PACRGL: variants seen among roughly 807,000 people sequenced by gnomAD.
PACRGL encodes PACRG-like protein.
In PACRGL, 38 loss-of-function variants were observed where a neutral mutation model predicts 34.5. That is an observed-to-expected ratio of 1.10 (90% CI 0.85 to 1.44). The LOEUF is 1.44. Among genes scored for constraint, PACRGL ranks in the 40% most tolerant of loss-of-function variants. PACRGL has a pLI of 0.00. For synonymous variants in PACRGL, 128 were observed against 100.1 expected (o/e 1.28, Z -1.66); for missense variants, 305 against 281.4 (o/e 1.08, Z -0.60).
upstream of PACRGL, among the ~76,000 whole-genome samples, chr4:20,697,870 G>A (rs1018753888): frequency 6.6e-6 from 1 of 152,052 alleles, no homozygotes; most frequent in Non-Finnish European, 1.5e-5. Context: ...TTCCATTCAC[G>A]AGTGTTCCAA....
chr4:20,740,969 CAAAG>C (rs937422048), intron 8 of PACRGL, among the ~76,000 whole-genome samples: 109 of 152,212 alleles, frequency 7.2e-4, no homozygotes, highest in African/African-American at 1.8e-3. Flanking sequence ...TCAAAACAGA[CAAAG>C]AAGGCTATTA....
chr4:20,709,882 A>T, intron 5 of PACRGL, 109 bp downstream of exon 5: 1 of 840,762 alleles, frequency 1.2e-6, no homozygotes, highest in South Asian at 1.5e-5. Flanking sequence ...TTGAAAAACG[A>T]AGCACACAAT....
intron 1 of PACRGL, chr4:20,701,901 T>G (rs904122431): frequency 4.4e-6 from 2 of 456,088 alleles, no homozygotes; most frequent in African/African-American, 4.0e-5. Flanking sequence ...GATAAAAATT[T>G]TAAGTGAAAA....
intron 8 of PACRGL, among the ~76,000 whole-genome samples, chr4:20,752,104 G>T (rs1357843778): frequency 1.4e-5 from 2 of 144,092 alleles, no homozygotes; most frequent in East Asian, 2.0e-4. Flanking sequence ...TGTCCCCCAG[G>T]CTGGAGTGCA....
chr4:20,727,269 T>G lies in PACRGL; in HGVS notation c.691-16T>G, dbSNP rs771131790. On this transcript the variant is annotated splice_polypyrimidine_tract_variant and intron_variant, in intron 8 of 8. Coordinates refer to ENST00000503585, the MANE Select transcript of PACRGL (RefSeq NM_001258345.3). The stretch of plus-strand genomic sequence containing the variant: ...CTGCATGATACTAATGATGCTCAAT[T>G]TTTTTCTGTTGACAGGGGAGCCTTA... 8.7e-6 allele frequency: 14 copies of G among 1,600,586 alleles called. No individual in the cohort carries two copies. In the South Asian group the frequency reaches 1.2e-4, roughly 14 times the overall value.
At chr4:20,723,925 C>G (rs2052775) in intron 7 of PACRGL, among the ~76,000 whole-genome samples, 49,336 of 151,960 alleles carry the variant, frequency 0.32, 8,477 homozygotes, top group African/African-American at 0.43. Flanking sequence ...GAGGTGCTAT[C>G]GGATCCCCTT....
chr4:20,722,084 A>G (rs919421651), intron 7 of PACRGL, among the ~76,000 whole-genome samples: 1 of 152,204 alleles, frequency 6.6e-6, no homozygotes, highest in Non-Finnish European at 1.5e-5. Context: ...CTGCTGTGCT[A>G]GCAATGAGCG....
intron 7 of PACRGL, among the ~76,000 whole-genome samples, chr4:20,722,052 C>T (rs564443280): frequency 2.8e-4 from 43 of 152,362 alleles, no homozygotes; most frequent in East Asian, 1.5e-3. Flanking sequence ...GCCTTGCTGC[C>T]GCCTTGCAGT....
At position 20,731,664 on chromosome 4, in the gene PACRGL, A is replaced by G; in HGVS notation, c.*4323A>G. The G allele has an allele frequency of 1.0e-6, 1 of 985,100 alleles. No homozygotes were observed. Among genetic ancestry groups the G allele is most frequent in the Non-Finnish European group, 1.2e-6 (1 of 829,640 alleles). 61.0% of individuals were successfully genotyped at this position (985,100 alleles called of 1,614,324 possible). A position where few individuals can be genotyped will look rare whatever the true frequency, so the allele number is the denominator to read the frequency against. On this transcript the variant is annotated 3_prime_UTR_variant, in exon 9 of 9. Coordinates refer to ENST00000503585, the MANE Select transcript of PACRGL (RefSeq NM_001258345.3). ...CTAATGCTGTGGAGATATGATAGAT[A>G]ATATATGAGTGATGCTAAGTTTTGG...
chr4:20,745,159 G>T (rs143194412), intron 8 of PACRGL, among the ~76,000 whole-genome samples: 165 of 152,248 alleles, frequency 1.1e-3, no homozygotes, highest in African/African-American at 3.6e-3. Context: ...CCACCCTTAG[G>T]TTGTAGCCAG....
chr4:20,760,479 G>A, the PACRGL span, among the ~76,000 whole-genome samples: 6 of 152,088 alleles, frequency 3.9e-5, no homozygotes, highest in Non-Finnish European at 8.8e-5. Flanking sequence ...CAACTGTAAT[G>A]TGCTTCACCT....
intron 8 of PACRGL, among the ~76,000 whole-genome samples, chr4:20,745,413 G>T (rs1264100877): frequency 1.3e-5 from 2 of 152,080 alleles, no homozygotes; most frequent in African/African-American, 2.4e-5. Flanking sequence ...CTCAAAACAG[G>T]AATGATATCT....
chr4:20,718,437 T>C (rs1180580534), intron 7 of PACRGL, among the ~76,000 whole-genome samples: 2 of 152,196 alleles, frequency 1.3e-5, no homozygotes, highest in Non-Finnish European at 2.9e-5. Context: ...TTCCAGTTTC[T>C]ACCCATTCAG....
chr4:20,698,987 A>G (rs1235724264), upstream of PACRGL, among the ~76,000 whole-genome samples: 2 of 152,198 alleles, frequency 1.3e-5, no homozygotes, highest in East Asian at 3.9e-4. Context: ...ATAGCTGATA[A>G]GGGGTGGTGA....
At chr4:20,707,971 T>C (rs2149070089) in intron 4 of PACRGL, 101 bp downstream of exon 4, 1 of 893,458 alleles carries the variant, frequency 1.1e-6, no homozygotes, top group East Asian at 2.6e-5. Context: ...TATTTACTAG[T>C]GAGGTTGAAA....
At chr4:20,750,075 G>T (rs1016648153) in intron 8 of PACRGL, among the ~76,000 whole-genome samples, 1 of 152,208 alleles carries the variant, frequency 6.6e-6, no homozygotes, top group African/African-American at 2.4e-5. Flanking sequence ...GTTTGGAAGA[G>T]ACCATCTCTA....
intron 3 of PACRGL, 42 bp downstream of exon 3, chr4:20,704,856 G>A (rs1272845027): frequency 6.3e-7 from 1 of 1,597,216 alleles, no homozygotes; most frequent in Non-Finnish European, 8.6e-7. Context: ...TTTTTTAAAG[G>A]CATTTCGCAC....
At chr4:20,716,472 A>G (rs1364442502) in intron 7 of PACRGL, among the ~76,000 whole-genome samples, 1 of 152,038 alleles carries the variant, frequency 6.6e-6, no homozygotes, top group Admixed American at 6.5e-5. Flanking sequence ...TACATTAGGT[A>G]TATCTCCTAA....
At chr4:20,719,603 G>A (rs1183952252) in intron 7 of PACRGL, among the ~76,000 whole-genome samples, 7 of 152,152 alleles carry the variant, frequency 4.6e-5, no homozygotes, top group East Asian at 1.9e-4. Flanking sequence ...CAGTCATTCC[G>A]GAGCAGGTTG....
Sources: gnomAD v4.1 joint callset for allele counts (sites outside exome capture counted in the v4.1 genomes callset) on GRCh38, gnomAD v4.1.1 for gene constraint, MANE v1.5 for transcripts, NCBI Gene and HGNC (gene_info 2026-07-23, HGNC 2026-07-21) for gene names.